MROH2B: variants seen among roughly 807,000 people sequenced by gnomAD.
The protein encoded by MROH2B is maestro heat like repeat family member 2B.
A neutral mutation model predicts 208.6 loss-of-function variants in MROH2B; 177 were observed. That is an observed-to-expected ratio of 0.85 (90% confidence interval 0.75 to 0.96). MROH2B has a LOEUF of 0.96. Ranked by LOEUF, MROH2B falls within the 40% of genes least tolerant of loss-of-function variation. The pLI is 0.00. For missense variants in MROH2B, 2,002 were observed against 1,878.7 expected (o/e 1.07, Z -1.21); for synonymous variants, 728 against 659.0 (o/e 1.10, Z -1.60).
rs373575388 is a variant in MROH2B at position 41,057,111 on chromosome 5, A to G, written c.917T>C (p.Leu306Pro). ...EMKASSCFLILAHSNPGELME... is the reference protein window; with the variant it reads ...EMKASSCFLIPAHSNPGELME... ...AGCCTTCTGGATGCTGGTCCTACCT[A>G]GAATGAGAAAACAGCTTGAAGCTTT... The change falls in exon 9 of 42, where the codon CTA becomes CCA. Residue 306 changes from leucine to proline, a missense_variant and splice_region_variant. By Grantham distance (98) the Leu-to-Pro change is moderately conservative. Transcript: ENST00000399564. 5.6e-6 allele frequency: 9 copies of G among 1,613,896 alleles called. No individual in the cohort carries two copies. The highest frequency in any genetic ancestry group is 1.3e-5 in the African/African-American group (1 of 74,940).
rs1561270766 is a variant in MROH2B, at chr5:41,000,668, G to A, written c.4350+10C>T. 6.2e-7 allele frequency: 1 copy of A among 1,606,390 alleles called. No homozygotes were observed. Among genetic ancestry groups the A allele is most frequent in the Non-Finnish European group, 8.5e-7 (1 of 1,176,458 alleles). On this transcript the variant is annotated intron_variant, in intron 38 of 41. Coordinates refer to ENST00000399564, the MANE Select transcript of MROH2B (RefSeq NM_173489.5). ...AGCAGGAGGTGCAGGTGTCTGTGGAGAGCACTTACAACTCCAATCTTGGGG... is the reference window on the plus strand; with the variant it reads ...AGCAGGAGGTGCAGGTGTCTGTGGAAAGCACTTACAACTCCAATCTTGGGG...
intron 6 of MROH2B, among the ~76,000 whole-genome samples, chr5:41,058,892 A>G (rs1743548503): frequency 6.6e-6 from 1 of 151,826 alleles, no homozygotes; most frequent in East Asian, 2.0e-4. Flanking sequence ...TACTAAAAAT[A>G]CAAAAATTAG....
intron 5 of MROH2B, among the ~76,000 whole-genome samples, chr5:41,063,190 A>G (rs1377136525): frequency 6.6e-6 from 1 of 152,238 alleles, no homozygotes; most frequent in Non-Finnish European, 1.5e-5. Context: ...GGTTGTTAAT[A>G]TTAAAGGTAG....
intron 18 of MROH2B, among the ~76,000 whole-genome samples, chr5:41,043,829 T>C (rs1039867625): frequency 4.6e-5 from 7 of 152,222 alleles, no homozygotes; most frequent in Non-Finnish European, 1.5e-5. Flanking sequence ...GGGTCAGTTC[T>C]GAGCCTATAC....
At chr5:41,041,074 T>C (rs1435961486) in intron 19 of MROH2B, among the ~76,000 whole-genome samples, 1 of 151,964 alleles carries the variant, frequency 6.6e-6, no homozygotes, top group Non-Finnish European at 1.5e-5. Flanking sequence ...AGAGATAAGA[T>C]GGAAAAAATG....
At chr5:41,014,342 G>A (rs948012090) in intron 29 of MROH2B, among the ~76,000 whole-genome samples, 3 of 152,080 alleles carry the variant, frequency 2.0e-5, no homozygotes, top group African/African-American at 7.2e-5. Flanking sequence ...CAAAAAACAA[G>A]TTCCAAACAC....
In MROH2B at chr5:41,009,301, G is replaced by T. The variant is rs531636398; in HGVS notation, c.3399C>A (p.Ile1133=). The part of the protein sequence containing the change: ...DKLETELEDD[I]ARVEAISVAC... ...TCACTGAAATTGCCTCAACCCTGGC[G>T]ATGTCATCTTCTAACTCAGTCTCCA... The change falls in exon 32 of 42, where the codon ATC becomes ATA. Residue 1133 remains isoleucine (I), a synonymous_variant. Transcript: ENST00000399564. 9 of 1,613,846 alleles carry T rather than the reference G, an allele frequency of 5.6e-6. No homozygotes were observed. Among genetic ancestry groups the T allele is most frequent in the Non-Finnish European group, 7.6e-6 (9 of 1,179,776 alleles).
chr5:41,050,933 A>C (rs752420941), intron 13 of MROH2B, 44 bp downstream of exon 13: 1 of 1,263,232 alleles, frequency 7.9e-7, no homozygotes. Context: ...GGGCTTTAAG[A>C]AGGTGATCAA....
rs1483890856 is a variant in MROH2B, at chr5:41,057,625, C to T, written c.757-265G>A. On this transcript the variant is annotated intron_variant, in intron 7 of 41. Transcript: ENST00000399564. ...AGGCGGGAGTGCAATGGCGCAATCT[C>T]GGTTCACTGTAACCTCCGCCTCTCG... Among the ~76,000 whole-genome samples, 5 of 130,274 alleles carry T rather than the reference C, an allele frequency of 3.8e-5. 1 individual carries two copies. The highest frequency in any genetic ancestry group is 3.8e-4 in the Admixed American group (4 of 10,530). 85.5% of individuals were successfully genotyped at this position (130,274 alleles called of 152,430 possible). A position where few individuals can be genotyped will look rare whatever the true frequency, so the allele number is the denominator to read the frequency against.
Position 41,014,603 on chromosome 5 carries a change from C to A in MROH2B, c.2982+778G>T, listed in dbSNP as rs529339898. Among the ~76,000 whole-genome samples the A allele has an allele frequency of 1.1e-4, 17 of 151,832 alleles. No homozygotes were observed. The South Asian group carries it at 2.7e-3, about 24-fold the overall frequency. On this transcript the variant is annotated intron_variant, in intron 29 of 41. Coordinates refer to ENST00000399564, the MANE Select transcript of MROH2B (RefSeq NM_173489.5). ...AAATATAATAAAACAAACAAACAAACAAAAAAACCAAGTTCCTTAAAAAGG... is the reference window on the plus strand; with the variant it reads ...AAATATAATAAAACAAACAAACAAAAAAAAAAACCAAGTTCCTTAAAAAGG...
At chr5:40,999,639 C>A in intron 40 of MROH2B, 38 bp downstream of exon 40, 1 of 1,551,730 alleles carries the variant, frequency 6.4e-7, no homozygotes, top group Non-Finnish European at 8.8e-7. Context: ...GTGGAAAAAG[C>A]AGACATATCT....
intron 7 of MROH2B, 72 bp downstream of exon 7, chr5:41,057,991 T>G: frequency 2.2e-6 from 3 of 1,381,076 alleles, no homozygotes; most frequent in Non-Finnish European, 2.8e-6. Flanking sequence ...TAGGGTCTTT[T>G]GAGACTTAAA....
intron 11 of MROH2B, among the ~76,000 whole-genome samples, chr5:41,053,611 C>T (rs1485468359): frequency 6.6e-6 from 1 of 152,122 alleles, no homozygotes; most frequent in East Asian, 1.9e-4. Context: ...AAACAATTAG[C>T]ATAAAGACTC....
chr5:41,063,955 A>G (rs1743719710), intron 5 of MROH2B, among the ~76,000 whole-genome samples: 2 of 152,172 alleles, frequency 1.3e-5, no homozygotes, highest in African/African-American at 4.8e-5. Flanking sequence ...TCTTGATTTT[A>G]TGATTGCTTG....
chr5:41,017,857 A>G lies in MROH2B; in HGVS notation c.2877T>C (p.Tyr959=), dbSNP rs918953384. 1.3e-6 allele frequency: 2 copies of G among 1,593,680 alleles called. No homozygotes were observed. Among genetic ancestry groups the G allele is most frequent in the Non-Finnish European group, 1.7e-6 (2 of 1,170,136 alleles). ...TCCCCATCTTTCCCTCACCTTTTAT[A>G]TAGAACAGACCAATAGTTGAGCTAG... is the stretch of plus-strand genomic sequence containing the variant. The part of the protein sequence containing the change: ...AAASSTIGLF[Y]IKGIHLEVER... Residue 959 remains tyrosine, a synonymous_variant, in exon 28 of 42, where the codon TAT becomes TAC. Transcript: ENST00000399564.
Position 41,007,340 on chromosome 5 carries a change from G to T in MROH2B, c.3723C>A (p.His1241Gln). 7 of 1,484,480 alleles carry T rather than the reference G, an allele frequency of 4.7e-6. No individual in the cohort carries two copies. The highest frequency in any genetic ancestry group is 6.3e-6 in the Non-Finnish European group (7 of 1,112,534). The allele number at this position is 1,484,480 out of a possible 1,614,324, so 92.0% of individuals were successfully genotyped here. ...LWTLLSSPST[H>Q]HIGVCSLARS... ...TGGCCAGTGAACATACGCCTATGTG[G>T]TGGGTACTAGGACTGCTGAGTAGAG... Residue 1241 changes from histidine to glutamine, a missense_variant, in exon 34 of 42, where the codon CAC becomes CAA. Coordinates refer to ENST00000399564, the MANE Select transcript of MROH2B (RefSeq NM_173489.5).
chr5:41,000,197 G>T, intron 39 of MROH2B, 23 bp downstream of exon 39: 1 of 1,608,390 alleles, frequency 6.2e-7, no homozygotes, highest in Admixed American at 1.7e-5. Context: ...CTTTTTTGGA[G>T]GCGGCATCTA....
chr5:41,012,859 T>G, intron 29 of MROH2B, 124 bp from the exon 30 acceptor site: 1 of 1,197,124 alleles, frequency 8.4e-7, no homozygotes, highest in Non-Finnish European at 1.2e-6. Flanking sequence ...CAGTTTTGAT[T>G]GAGGCCACAG....
intron 5 of MROH2B, among the ~76,000 whole-genome samples, chr5:41,062,904 A>G (rs1422470584): frequency 6.6e-6 from 1 of 152,044 alleles, no homozygotes; most frequent in Non-Finnish European, 1.5e-5. Context: ...AGCAACCTGA[A>G]GTAAGGGATG....
Sources: gnomAD v4.1 joint callset for allele counts (sites outside exome capture counted in the v4.1 genomes callset) on GRCh38, gnomAD v4.1.1 for gene constraint, MANE v1.5 for transcripts, NCBI Gene and HGNC (gene_info 2026-07-23, HGNC 2026-07-21) for gene names.